Variants in CSMD2 observed in about 807,000 individuals in gnomAD.
CSMD2 encodes the protein CUB and sushi domain-containing protein 2.
CSMD2 carries 130 observed loss-of-function variants against 398.5 expected under a neutral mutation model. The observed-to-expected ratio is 0.33, with a 90% CI of 0.28 to 0.38. CSMD2 has a LOEUF of 0.38. Ranked by LOEUF, CSMD2 falls within the 10% of genes least tolerant of loss-of-function variation. The probability of loss-of-function intolerance (pLI) is 1.00; values close to 1 mark genes in which losing one functional copy is unlikely to be tolerated. For missense variants in CSMD2, 3,829 were observed against 4,764.9 expected, an observed-to-expected ratio of 0.80 and a Z score of 5.78; for synonymous variants, 1,828 against 1,908.5, an observed-to-expected ratio of 0.96 and a Z score of 1.10.
Position 33,746,087 on chromosome 1 carries a change from CT to C in CSMD2, c.1847-2482del, listed in dbSNP as rs374368156. ...CTCAGTATGAGAATAACACTTCCCC[CT>C]GGGCCTATGTGACCGTGGAGTCTTA... On this transcript the variant is annotated intron_variant, in intron 13 of 70. Coordinates refer to ENST00000373381, the MANE Select transcript of CSMD2 (RefSeq NM_001281956.2). Among the ~76,000 whole-genome samples, 154 of 152,288 alleles carry C rather than the reference CT, an allele frequency of 1.0e-3. 5 individuals are homozygous for C. The South Asian group carries it at 0.026, about 25-fold the overall frequency.
chr1:33,799,959 C>T (rs1316143825), intron 10 of CSMD2, among the ~76,000 whole-genome samples: 1 of 152,192 alleles, frequency 6.6e-6, no homozygotes, highest in Non-Finnish European at 1.5e-5. Context: ...GAAGAGTTTG[C>T]CAACTCTTGA....
At position 33,887,395 on chromosome 1, in the gene CSMD2, AT is replaced by A. The variant is rs1641674354; in HGVS notation, c.920+30698del. Among the ~76,000 whole-genome samples, 3 of 152,346 alleles carry A rather than the reference AT, an allele frequency of 2.0e-5. No individual in the cohort carries two copies. In the South Asian group the frequency reaches 6.2e-4, roughly 32 times the overall value. ...ATGAATATTTTGAGGTCAAGGGTTT[AT>A]AATAACAGAGAAAATGCTAATGTTA... On this transcript the variant is annotated intron_variant, in intron 5 of 70. Coordinates refer to ENST00000373381, the MANE Select transcript of CSMD2 (RefSeq NM_001281956.2).
chr1:34,081,302 TAC>T (rs1261001095), intron 2 of CSMD2, among the ~76,000 whole-genome samples: 4 of 152,158 alleles, frequency 2.6e-5, no homozygotes, highest in African/African-American at 9.7e-5. Context: ...CTTCCAATGT[TAC>T]TTGGACTGTC....
In CSMD2 at chr1:33,519,850, G is replaced by A. The variant is rs1341808064; in HGVS notation, c.10698C>T (p.Leu3566=). 6 of 1,614,072 alleles carry A rather than the reference G, an allele frequency of 3.7e-6. No homozygotes were observed. The highest frequency in any genetic ancestry group is 1.3e-5 in the African/African-American group (1 of 75,010). ...GATAGAGCACGAAGCCCGCAATAAT[G>A]AGGGCGATGAAAGGCACCAGGATCG... ...AAAILVPFIA[L]IIAGFVLYLY... The change falls in exon 69 of 71, where the codon CTC becomes CTT. Residue 3566 remains leucine (L), a synonymous_variant. Coordinates refer to ENST00000373381, the MANE Select transcript of CSMD2 (RefSeq NM_001281956.2). This position sits in a 1 kb window ranked among gnomAD's most constrained non-coding sequence, Gnocchi z 5.6.
chr1:33,645,341 TTA>T (rs1452688331), intron 29 of CSMD2, among the ~76,000 whole-genome samples: 34 of 102,320 alleles, frequency 3.3e-4, no homozygotes, highest in African/African-American at 1.1e-3. Context: ...ATATGGAGCA[TTA>T]TACACACACA....
intron 25 of CSMD2, among the ~76,000 whole-genome samples, chr1:33,670,407 C>T (rs1330172124): frequency 6.6e-6 from 1 of 152,208 alleles, no homozygotes; most frequent in African/African-American, 2.4e-5. Context: ...TCCAAACTCA[C>T]CCACTGTCCT....
At chr1:34,105,022 T>C (rs1002230485) in intron 1 of CSMD2, among the ~76,000 whole-genome samples, 1 of 152,234 alleles carries the variant, frequency 6.6e-6, no homozygotes, top group Non-Finnish European at 1.5e-5. Context: ...GAGCCTCCTC[T>C]AGTCTGCAGG....
At chr1:33,842,571 C>T (rs1660963141) in intron 6 of CSMD2, among the ~76,000 whole-genome samples, 1 of 152,052 alleles carries the variant, frequency 6.6e-6, no homozygotes, top group Admixed American at 6.6e-5. Flanking sequence ...CTGTAAAGGG[C>T]CTGATAGTAA....
chr1:34,006,138 C>T (rs991093631), intron 3 of CSMD2, among the ~76,000 whole-genome samples: 11 of 152,166 alleles, frequency 7.2e-5, no homozygotes, highest in African/African-American at 2.7e-4. Flanking sequence ...GAACTCCAGC[C>T]CATCTTGGTT....
chr1:34,061,158 C>G (rs1031866775), intron 2 of CSMD2, among the ~76,000 whole-genome samples: 1 of 152,162 alleles, frequency 6.6e-6, no homozygotes, highest in African/African-American at 2.4e-5. Flanking sequence ...TACTGGCAGG[C>G]CACGGTTGCT....
chr1:33,660,323 T>C (rs753493537), intron 26 of CSMD2, among the ~76,000 whole-genome samples: 2 of 152,166 alleles, frequency 1.3e-5, no homozygotes, highest in Non-Finnish European at 2.9e-5. Context: ...TGCTTCCCGC[T>C]CACCTTTTTT....
intron 3 of CSMD2, among the ~76,000 whole-genome samples, chr1:33,975,111 G>A (rs1645911818): frequency 6.6e-6 from 1 of 152,142 alleles, no homozygotes; most frequent in East Asian, 1.9e-4. Context: ...GCTGGCCCCA[G>A]GCTAGGTGTA....
At chr1:33,657,832 T>C (rs1643997396) in intron 27 of CSMD2, 114 bp downstream of exon 27, 3 of 1,045,260 alleles carry the variant, frequency 2.9e-6, no homozygotes, top group Non-Finnish European at 4.2e-6. Context: ...GCAACTTTTG[T>C]CTGTTTCAAT....
intron 48 of CSMD2, among the ~76,000 whole-genome samples, chr1:33,579,919 T>C (rs1638575769): frequency 6.6e-6 from 1 of 152,192 alleles, no homozygotes. Flanking sequence ...CCTCAGGTGA[T>C]CTGCCCGCCT....
chr1:33,719,933 G>T (rs536216450), intron 19 of CSMD2, among the ~76,000 whole-genome samples: 1 of 152,192 alleles, frequency 6.6e-6, no homozygotes, highest in Non-Finnish European at 1.5e-5. Flanking sequence ...GTTAAAAGGT[G>T]TCAGCTCTGG....
In CSMD2 at chr1:33,580,915, C is replaced by T. The variant is rs181624783; in HGVS notation, c.7241-16G>A. On this transcript the variant is annotated splice_polypyrimidine_tract_variant and intron_variant, in intron 47 of 70. Transcript: ENST00000373381. ...CCTGATGGACCTGGGGTGAGAAGGA[C>T]GCAGGATTACAGACCATGGGAGCCA... The T allele has an allele frequency of 6.8e-5, 109 of 1,613,328 alleles. No individual in the cohort carries two copies. Among genetic ancestry groups the T allele is most frequent in the Middle Eastern group, 1.7e-4 (1 of 6,002 alleles).
Position 33,624,965 on chromosome 1 carries a change from C to T in CSMD2, c.5500+86G>A. The T allele has an allele frequency of 7.4e-7, 1 of 1,344,390 alleles. No individual in the cohort carries two copies. The highest frequency in any genetic ancestry group is 1.1e-6 in the Non-Finnish European group (1 of 944,934). 83.3% of individuals were successfully genotyped at this position (1,344,390 alleles called of 1,614,324 possible). On this transcript the variant is annotated intron_variant, in intron 34 of 70. Transcript: ENST00000373381. The surrounding 1 kb of genome is among the most constrained non-coding windows in gnomAD (Gnocchi z 4.7). Reference sequence around the variant, plus strand: ...GAAGCGGCTGCTGTGTGTCGTGGGGCATCACTGGGGCTGACTGCCTCCCCT... The same window carrying T: ...GAAGCGGCTGCTGTGTGTCGTGGGGTATCACTGGGGCTGACTGCCTCCCCT...
At chr1:33,996,327 G>A (rs887096258) in intron 3 of CSMD2, among the ~76,000 whole-genome samples, 1 of 152,204 alleles carries the variant, frequency 6.6e-6, no homozygotes, top group African/African-American at 2.4e-5. Context: ...ATGATGACAA[G>A]CCATACTCGG....
rs576193982 is a variant in CSMD2 at position 33,756,858 on chromosome 1, G to T, written c.1847-13252C>A. 9.9e-5 allele frequency among the ~76,000 whole-genome samples: 15 copies of T among 152,180 alleles called. No homozygotes were observed. The South Asian group carries it at 2.3e-3, about 23-fold the overall frequency. ...TGCTGCTATAAAGACACATGCACAC[G>T]TATGTTTATTGCGGCATTATTCACA... is the stretch of plus-strand genomic sequence containing the variant. On this transcript the variant is annotated intron_variant, in intron 13 of 70. Coordinates refer to ENST00000373381, the MANE Select transcript of CSMD2 (RefSeq NM_001281956.2).
Sources: allele counts gnomAD v4.1 joint callset (sites outside exome capture counted in the v4.1 genomes callset), GRCh38; gene constraint gnomAD v4.1.1; non-coding constraint Gnocchi (gnomAD v3.1); transcripts MANE v1.5; gene names NCBI Gene and HGNC (gene_info 2026-07-23, HGNC 2026-07-21).